Variants in KHDRBS2 observed in about 807,000 individuals in gnomAD.
The protein encoded by KHDRBS2 is KH RNA binding domain containing, signal transduction associated 2, also known as KH domain-containing, RNA-binding, signal transduction-associated protein 2.
A neutral mutation model predicts 44.3 loss-of-function variants in KHDRBS2; 26 were observed. The observed-to-expected ratio is 0.59, with a 90% CI of 0.43 to 0.81. The LOEUF (loss-of-function observed/expected upper bound fraction) is 0.81. KHDRBS2 is among the 40% of genes least tolerant of loss of function. The pLI, the probability that KHDRBS2 is intolerant of heterozygous loss-of-function variation, is 0.00. For missense variants in KHDRBS2, 476 were observed against 433.1 expected (o/e 1.10, Z -0.88); for synonymous variants, 194 against 151.1 (o/e 1.28, Z -2.08).
intron 2 of KHDRBS2, among the ~76,000 whole-genome samples, chr6:62,104,360 T>C (rs1474306250): frequency 6.6e-6 from 1 of 152,164 alleles, no homozygotes; most frequent in East Asian, 1.9e-4. Flanking sequence ...GTTACATATG[T>C]ATACATGTGC....
At chr6:61,936,890 T>C (rs978721215) in intron 4 of KHDRBS2, among the ~76,000 whole-genome samples, 6 of 152,022 alleles carry the variant, frequency 3.9e-5, no homozygotes, top group African/African-American at 1.4e-4. Context: ...AAAAACTTCA[T>C]TTTTTTGTTG....
At chr6:61,571,443 A>G in the KHDRBS2 span, among the ~76,000 whole-genome samples, 1 of 152,116 alleles carries the variant, frequency 6.6e-6, no homozygotes, top group African/African-American at 2.4e-5. Flanking sequence ...GACCTAATAA[A>G]TGAAATAAAT....
chr6:61,954,191 T>A (rs1324056250), intron 4 of KHDRBS2, among the ~76,000 whole-genome samples: 4 of 151,934 alleles, frequency 2.6e-5, no homozygotes, highest in Non-Finnish European at 4.4e-5. Flanking sequence ...TCTGGGACTG[T>A]CTTGGTTTTT....
At chr6:61,775,167 A>C (rs1781733149) in intron 6 of KHDRBS2, among the ~76,000 whole-genome samples, 1 of 152,108 alleles carries the variant, frequency 6.6e-6, no homozygotes. Flanking sequence ...TATCTATGAC[A>C]AACCCACAGC....
intron 1 of KHDRBS2, among the ~76,000 whole-genome samples, chr6:62,250,453 G>T (rs1169376736): frequency 6.6e-6 from 1 of 151,618 alleles, no homozygotes; most frequent in Non-Finnish European, 1.5e-5. Context: ...ATGTAATTTA[G>T]GAAACATTTC....
chr6:62,068,049 T>C (rs1325942819), intron 2 of KHDRBS2, among the ~76,000 whole-genome samples: 2 of 151,622 alleles, frequency 1.3e-5, no homozygotes, highest in Non-Finnish European at 3.0e-5. Context: ...TTATCTCTTA[T>C]GTTTAGAAGT....
chr6:61,604,161 T>C, the KHDRBS2 span, among the ~76,000 whole-genome samples: 1 of 152,334 alleles, frequency 6.6e-6, no homozygotes, highest in East Asian at 1.9e-4. Context: ...CATGCTGTTA[T>C]AGGGGCTGAA....
chr6:62,049,238 T>TA (rs1562723569), intron 2 of KHDRBS2, among the ~76,000 whole-genome samples: 1 of 151,486 alleles, frequency 6.6e-6, no homozygotes, highest in African/African-American at 2.4e-5. Flanking sequence ...CAACCAAATT[T>TA]GAAAAGTAAA....
intron 3 of KHDRBS2, among the ~76,000 whole-genome samples, chr6:62,003,454 C>T (rs1402146954): frequency 1.3e-5 from 2 of 152,066 alleles, no homozygotes; most frequent in African/African-American, 2.4e-5. Context: ...GATTGAGCAA[C>T]AAGAAGAGTT....
At chr6:61,775,467 C>T (rs552379025) in intron 6 of KHDRBS2, among the ~76,000 whole-genome samples, 209 of 152,196 alleles carry the variant, frequency 1.4e-3, no homozygotes, top group African/African-American at 4.8e-3. Flanking sequence ...AATCAATGTA[C>T]AAAAATCACA....
chr6:62,064,317 C>T (rs1340759644), intron 2 of KHDRBS2, among the ~76,000 whole-genome samples: 146 of 149,450 alleles, frequency 9.8e-4, no homozygotes, highest in African/African-American at 2.0e-3. Context: ...GAGCCCACAT[C>T]GCCAAGTCAA....
At chr6:61,793,645 G>A (rs1286063349) in intron 6 of KHDRBS2, among the ~76,000 whole-genome samples, 1 of 151,936 alleles carries the variant, frequency 6.6e-6, no homozygotes, top group Non-Finnish European at 1.5e-5. Flanking sequence ...ATGGGGGTAT[G>A]TTATATTATT....
intron 2 of KHDRBS2, among the ~76,000 whole-genome samples, chr6:62,143,922 A>G (rs1813389926): frequency 6.6e-6 from 1 of 151,908 alleles, no homozygotes; most frequent in Non-Finnish European, 1.5e-5. Context: ...AAGATACAAA[A>G]CTTAACACTT....
At position 61,914,707 on chromosome 6, in the gene KHDRBS2, G is replaced by T. The variant is rs537633962; in HGVS notation, c.484-13336C>A. 3.9e-5 allele frequency among the ~76,000 whole-genome samples: 6 copies of T among 152,182 alleles called. No individual in the cohort carries two copies. The South Asian group carries it at 1.2e-3, about 32-fold the overall frequency. ...TCTAAACAAAGAGACTTCTTAAATT[G>T]GGAATATTTCAGTGTGATGTGATTT... On this transcript the variant is annotated intron_variant, in intron 4 of 8. Coordinates refer to ENST00000281156, the MANE Select transcript of KHDRBS2 (RefSeq NM_152688.4).
chr6:61,691,370 T>C (rs1481651085), intron 8 of KHDRBS2, among the ~76,000 whole-genome samples: 3 of 151,970 alleles, frequency 2.0e-5, no homozygotes, highest in African/African-American at 7.2e-5. Context: ...ACCCCTGAAA[T>C]AGCAAAAAGA....
rs1726014484 is a variant in KHDRBS2 at position 61,680,168 on chromosome 6, AT to A, written c.*794del. On this transcript the variant is annotated 3_prime_UTR_variant, in exon 9 of 9. Transcript: ENST00000281156. Reference sequence around the variant, plus strand: ...TTTTTGTAATTTTTAAATAGAAAACATTTTAGGCATCTCTTGAAGAAGAAAT... The same window carrying A: ...TTTTTGTAATTTTTAAATAGAAAACATTTAGGCATCTCTTGAAGAAGAAAT... The A allele has an allele frequency of 6.6e-6, 1 of 152,366 alleles. No homozygotes were observed. The highest frequency in any genetic ancestry group is 2.4e-5 in the African/African-American group (1 of 41,424). The allele number at this position is 152,366 out of a possible 1,614,324, so 9.4% of individuals were successfully genotyped here. A position where few individuals can be genotyped will look rare whatever the true frequency, so the allele number is the denominator to read the frequency against.
At chr6:61,920,737 A>G (rs527324116) in intron 4 of KHDRBS2, among the ~76,000 whole-genome samples, 1 of 152,122 alleles carries the variant, frequency 6.6e-6, no homozygotes, top group East Asian at 1.9e-4. Flanking sequence ...TCAGTCCTAA[A>G]AAAGTGCAGT....
chr6:61,797,839 G>A (rs118153761), intron 6 of KHDRBS2, among the ~76,000 whole-genome samples: 2,771 of 151,462 alleles, frequency 0.018, 52 homozygotes, highest in East Asian at 0.05. Context: ...AATTTGTAGA[G>A]GGGACTTCAG....
intron 1 of KHDRBS2, among the ~76,000 whole-genome samples, chr6:62,272,384 A>G (rs1448177639): frequency 2.0e-5 from 3 of 152,210 alleles, no homozygotes; most frequent in African/African-American, 7.2e-5. Flanking sequence ...GGTCCAACAC[A>G]GTCATGATTT....
Sources: gnomAD v4.1 joint callset for allele counts (sites outside exome capture counted in the v4.1 genomes callset) on GRCh38, gnomAD v4.1.1 for gene constraint, MANE v1.5 for transcripts, NCBI Gene and HGNC (gene_info 2026-07-23, HGNC 2026-07-21) for gene names.